Variants in SNX29 observed in about 807,000 individuals in gnomAD.
SNX29 encodes the protein sorting nexin-29.
In SNX29, 78 loss-of-function variants were observed where a neutral mutation model predicts 102.1. The observed-to-expected ratio is 0.76, with a 90% CI of 0.64 to 0.92. The LOEUF (loss-of-function observed/expected upper bound fraction) is 0.92. SNX29 is among the 40% of genes least tolerant of loss of function. The pLI, the probability that SNX29 is intolerant of heterozygous loss-of-function variation, is 0.00. For missense variants in SNX29, 1,280 were observed against 1,061.7 expected, an observed-to-expected ratio of 1.21 and a Z score of -2.86; for synonymous variants, 580 against 414.5, an observed-to-expected ratio of 1.40 and a Z score of -4.85.
intron 20 of SNX29, among the ~76,000 whole-genome samples, chr16:12,534,023 C>G (rs1346081460): frequency 1.3e-5 from 2 of 152,236 alleles, no homozygotes; most frequent in Non-Finnish European, 2.9e-5. Context: ...CAAAAGGGGA[C>G]TTTGGTGCAT....
At chr16:12,560,843 G>C (rs1204495047) in intron 20 of SNX29, 1 of 182,292 alleles carries the variant, frequency 5.5e-6, no homozygotes, top group South Asian at 2.0e-4. Context: ...CCGGCTTAAG[G>C]ATGTTATGAG....
At chr16:12,312,793 A>C (rs1406303701) in intron 15 of SNX29, among the ~76,000 whole-genome samples, 1 of 152,072 alleles carries the variant, frequency 6.6e-6, no homozygotes, top group South Asian at 2.1e-4. Context: ...ATTTACTGTT[A>C]GGCAATGGAG....
At chr16:12,526,179 G>C (rs1056250220) in intron 20 of SNX29, among the ~76,000 whole-genome samples, 1 of 152,182 alleles carries the variant, frequency 6.6e-6, no homozygotes, top group Non-Finnish European at 1.5e-5. Context: ...GGTAATATAA[G>C]AGTTTCCTGT....
chr16:12,135,601 G>T, intron 13 of SNX29: 1 of 1,343,648 alleles, frequency 7.4e-7, no homozygotes, highest in Non-Finnish European at 9.8e-7. Flanking sequence ...AGAACCATGT[G>T]GTGGAGAAAT....
intron 16 of SNX29, among the ~76,000 whole-genome samples, chr16:12,365,141 C>G (rs1347684273): frequency 1.3e-5 from 2 of 152,134 alleles, no homozygotes; most frequent in Non-Finnish European, 2.9e-5. Flanking sequence ...ACACTGCTCA[C>G]TCTTTATTTT....
At chr16:12,180,586 C>A (rs2076360815) in intron 13 of SNX29, among the ~76,000 whole-genome samples, 1 of 152,050 alleles carries the variant, frequency 6.6e-6, no homozygotes, top group Non-Finnish European at 1.5e-5. Context: ...CGGGTTCACG[C>A]CATTCTCCTG....
intron 16 of SNX29, among the ~76,000 whole-genome samples, chr16:12,373,196 A>G (rs921544440): frequency 6.6e-6 from 1 of 152,198 alleles, no homozygotes; most frequent in Non-Finnish European, 1.5e-5. Flanking sequence ...GCAGTGGTGC[A>G]GTCATAGCTC....
At chr16:12,353,081 GA>G (rs2082031918) in intron 15 of SNX29, among the ~76,000 whole-genome samples, 1 of 152,128 alleles carries the variant, frequency 6.6e-6, no homozygotes, top group African/African-American at 2.4e-5. Context: ...GGCCTTCCCT[GA>G]CACCCTGTCT....
intron 19 of SNX29, among the ~76,000 whole-genome samples, chr16:12,520,509 G>C (rs1365952249): frequency 6.6e-6 from 1 of 152,126 alleles, no homozygotes; most frequent in East Asian, 1.9e-4. Flanking sequence ...TGTGCTGTAG[G>C]GACACAGGGC....
Position 12,085,475 on chromosome 16 carries a change from C to T in SNX29, c.1402+6560C>T, listed in dbSNP as rs181454173. Among the ~76,000 whole-genome samples the T allele has an allele frequency of 2.3e-3, 343 of 152,278 alleles. 1 individual carries two copies. Among genetic ancestry groups the T allele is most frequent in the Middle Eastern group, 6.8e-3 (2 of 294 alleles). The stretch of plus-strand genomic sequence containing the variant: ...CGGAGTAGCTGGGATTAAAGGCACG[C>T]GCCACCACACCCAGCTAATTTTTGT... On this transcript the variant is annotated intron_variant, in intron 11 of 20. Coordinates refer to ENST00000566228, the MANE Select transcript of SNX29 (RefSeq NM_032167.5).
rs2079145857 is a variant in SNX29, at chr16:12,569,732, CCCAGGGCTCCT to C, written c.*1106_*1116del. On this transcript the variant is annotated 3_prime_UTR_variant, in exon 21 of 21. Transcript: ENST00000566228. ...GATGGGGACCAGCAGCTGGGCAGCC[CCCAGGGCTCCT>C]CCTCCAGTGAGCTCACATCAGAGCA... 2 of 230,602 alleles carry C rather than the reference CCCAGGGCTCCT, an allele frequency of 8.7e-6. No individual in the cohort carries two copies. Among genetic ancestry groups the C allele is most frequent in the East Asian group, 1.2e-4 (2 of 16,246 alleles). The allele number at this position is 230,602 out of a possible 1,614,324, so 14.3% of individuals were successfully genotyped here. A position where few individuals can be genotyped will look rare whatever the true frequency, so the allele number is the denominator to read the frequency against.
At chr16:12,194,702 G>A (rs977433669) in intron 13 of SNX29, among the ~76,000 whole-genome samples, 1 of 147,884 alleles carries the variant, frequency 6.8e-6, no homozygotes, top group African/African-American at 2.5e-5. Context: ...TCTTGGCTCA[G>A]TGCAACCTCC....
chr16:12,337,644 A>G (rs969170018), intron 15 of SNX29, among the ~76,000 whole-genome samples: 3 of 152,182 alleles, frequency 2.0e-5, no homozygotes, highest in African/African-American at 4.8e-5. Context: ...ACCTAGTCAC[A>G]TATCTCACTT....
At chr16:12,068,557 A>C (rs1216947954) in intron 9 of SNX29, among the ~76,000 whole-genome samples, 1 of 152,006 alleles carries the variant, frequency 6.6e-6, no homozygotes, top group Non-Finnish European at 1.5e-5. Context: ...TTTAAAAAAA[A>C]ATTTTTAATG....
rs2079193547 is a variant in SNX29, at chr16:12,571,806, A to G, written c.*3177A>G. On this transcript the variant is annotated 3_prime_UTR_variant, in exon 21 of 21. Coordinates refer to ENST00000566228, the MANE Select transcript of SNX29 (RefSeq NM_032167.5). ...GCCACTCTTCCTGCAATCAGTGTGA[A>G]ATTCCAGCTTCTTTGATTCCCACTT... 2 of 1,029,586 alleles carry G rather than the reference A, an allele frequency of 1.9e-6. No individual in the cohort carries two copies. The highest frequency in any genetic ancestry group is 5.2e-5 in the East Asian group (1 of 19,404). The allele number at this position is 1,029,586 out of a possible 1,614,324, so 63.8% of individuals were successfully genotyped here.
chr16:12,045,094 G>A (rs188032107), intron 5 of SNX29, among the ~76,000 whole-genome samples: 22 of 152,270 alleles, frequency 1.4e-4, no homozygotes, highest in Admixed American at 1.1e-3. Flanking sequence ...ACGAAAACAG[G>A]CTCAGATTTT....
chr16:12,207,293 T>C (rs1445274808), intron 14 of SNX29, among the ~76,000 whole-genome samples: 3 of 152,088 alleles, frequency 2.0e-5, no homozygotes, highest in African/African-American at 4.8e-5. Context: ...TGCTTGAACC[T>C]GGGAGGCAGA....
intron 16 of SNX29, among the ~76,000 whole-genome samples, chr16:12,383,908 C>G (rs1282968989): frequency 2.0e-5 from 3 of 151,734 alleles, no homozygotes; most frequent in Non-Finnish European, 2.9e-5. Context: ...TCATTCTACT[C>G]TCTGTCTCCA....
At chr16:12,118,121 C>A (rs1295455522) in intron 11 of SNX29, among the ~76,000 whole-genome samples, 1 of 151,706 alleles carries the variant, frequency 6.6e-6, no homozygotes, top group East Asian at 1.9e-4. Flanking sequence ...AGAAAAAAAA[C>A]TTTCAGCTGT....
Sources: allele counts gnomAD v4.1 joint callset (sites outside exome capture counted in the v4.1 genomes callset), GRCh38; gene constraint gnomAD v4.1.1; transcripts MANE v1.5; gene names NCBI Gene and HGNC (gene_info 2026-07-23, HGNC 2026-07-21).